Variants in CADM1 observed in about 807,000 individuals in gnomAD.
CADM1 encodes the protein cell adhesion molecule 1.
Under a neutral mutation model 53.1 loss-of-function variants are expected in CADM1, and 15 were observed. That is an observed-to-expected ratio of 0.28 (90% CI 0.19 to 0.44). The LOEUF is 0.44. Among genes scored for constraint, CADM1 ranks in the 20% least tolerant of loss-of-function variants. CADM1 has a pLI of 1.00. For synonymous variants in CADM1, 281 were observed against 243.0 expected (o/e 1.16, Z -1.45); for missense variants, 434 against 611.3 (o/e 0.71, Z 3.06).
chr11:115,243,055 C>CA (rs754324421), intron 1 of CADM1, among the ~76,000 whole-genome samples: 6 of 152,178 alleles, frequency 3.9e-5, no homozygotes, highest in Non-Finnish European at 8.8e-5. Context: ...AACAATAAAA[C>CA]AGAGTGAGGT....
chr11:115,262,060 T>C (rs1201079437), intron 1 of CADM1, among the ~76,000 whole-genome samples: 1 of 152,118 alleles, frequency 6.6e-6, no homozygotes, highest in Non-Finnish European at 1.5e-5. Context: ...ATTACAGGCG[T>C]GAGCCACCGA....
intron 1 of CADM1, among the ~76,000 whole-genome samples, chr11:115,413,644 C>CTTTTTTTTTTTTTTTTTTTTTTTTTT (rs71066424): frequency 8.3e-6 from 1 of 120,916 alleles, no homozygotes; most frequent in Non-Finnish European, 1.8e-5. Context: ...CAGCTCAGTT[C>CTTTTTTTTTTTTTTTTTTTTTTTTTT]TTTTTTTTTT....
intron 1 of CADM1, among the ~76,000 whole-genome samples, chr11:115,294,027 G>C (rs1254807529): frequency 1.3e-5 from 2 of 152,196 alleles, no homozygotes; most frequent in Admixed American, 1.3e-4. Context: ...TGAGATTCAT[G>C]ATGGCTTCCT....
intron 1 of CADM1, chr11:115,397,014 C>G (rs1424171265): frequency 2.6e-5 from 4 of 151,820 alleles, no homozygotes; most frequent in African/African-American, 9.7e-5. Flanking sequence ...GGCTATCAAG[C>G]AGGAGAAAAG....
rs191159192 is a variant in CADM1 at position 115,496,183 on chromosome 11, A to G, written c.124+8088T>C. 9.2e-5 allele frequency among the ~76,000 whole-genome samples: 14 copies of G among 152,334 alleles called. No homozygotes were observed. In the East Asian group the frequency reaches 1.7e-3, roughly 19 times the overall value. ...CAACACAGTTTGGCTTAGCATCAAG[A>G]AACATAATCATGTATAAACCTGTGA... On this transcript the variant is annotated intron_variant, in intron 1 of 11. Coordinates refer to ENST00000331581, the MANE Select transcript of CADM1 (RefSeq NM_001301043.2).
intron 5 of CADM1, among the ~76,000 whole-genome samples, chr11:115,220,284 T>C (rs1258337369): frequency 1.3e-5 from 2 of 152,162 alleles, no homozygotes; most frequent in Non-Finnish European, 2.9e-5. Context: ...AAAAACTTAA[T>C]CCACCCTGCT....
rs1157575507 is a variant in CADM1 at position 115,373,744 on chromosome 11, GGTGA to G, written c.124+130523_124+130526del. On this transcript the variant is annotated intron_variant, in intron 1 of 11. Coordinates refer to ENST00000331581, the MANE Select transcript of CADM1 (RefSeq NM_001301043.2). ...AATAGATCAGTGGTTCTCATCCTTG[GGTGA>G]GTATCAGAATCACCTGTGGAAATTG... 1.1e-4 allele frequency among the ~76,000 whole-genome samples: 17 copies of G among 152,116 alleles called. No individual in the cohort carries two copies. The South Asian group carries it at 3.3e-3, about 30-fold the overall frequency.
chr11:115,214,176 A>T (rs1178481894), intron 7 of CADM1, among the ~76,000 whole-genome samples: 1 of 152,198 alleles, frequency 6.6e-6, no homozygotes, highest in African/African-American at 2.4e-5. Context: ...CATCTTTTGG[A>T]ATTAATAGCT....
intron 1 of CADM1, among the ~76,000 whole-genome samples, chr11:115,315,970 G>C (rs780271605): frequency 6.6e-6 from 1 of 152,066 alleles, no homozygotes; most frequent in Non-Finnish European, 1.5e-5. Flanking sequence ...TTGCTTCCCG[G>C]TGTTGGTTTA....
intron 1 of CADM1, among the ~76,000 whole-genome samples, chr11:115,253,574 T>TA (rs1850634757): frequency 6.6e-6 from 1 of 152,206 alleles, no homozygotes; most frequent in Non-Finnish European, 1.5e-5. Flanking sequence ...TATTCTTAGG[T>TA]AAAAATATAC....
At chr11:115,215,476 G>A (rs930289320) in intron 6 of CADM1, among the ~76,000 whole-genome samples, 1 of 152,110 alleles carries the variant, frequency 6.6e-6, no homozygotes, top group African/African-American at 2.4e-5. Context: ...TGCATATTGT[G>A]AGAACTTTCC....
chr11:115,423,079 C>T (rs1483220933), intron 1 of CADM1, among the ~76,000 whole-genome samples: 4 of 151,392 alleles, frequency 2.6e-5, no homozygotes, highest in Admixed American at 6.6e-5. Context: ...AGACAAAAGT[C>T]GAGGCCTTAG....
intron 1 of CADM1, among the ~76,000 whole-genome samples, chr11:115,261,678 T>C (rs1027919787): frequency 2.6e-5 from 4 of 152,236 alleles, no homozygotes; most frequent in African/African-American, 9.6e-5. Flanking sequence ...AGTTTCTTTT[T>C]CTGAAAATGT....
At chr11:115,462,974 G>A (rs1230957331) in intron 1 of CADM1, among the ~76,000 whole-genome samples, 10 of 152,166 alleles carry the variant, frequency 6.6e-5, no homozygotes, top group Admixed American at 6.5e-4. Flanking sequence ...ATGGTGACTG[G>A]GAAGAAAGGG....
intron 10 of CADM1, among the ~76,000 whole-genome samples, chr11:115,180,520 G>A (rs907896348): frequency 1.3e-5 from 2 of 152,282 alleles, no homozygotes; most frequent in East Asian, 1.9e-4. Context: ...AACTTGAAAA[G>A]TGGTGGAGAG....
At chr11:115,187,879 C>A (rs528691975) in intron 10 of CADM1, among the ~76,000 whole-genome samples, 3 of 152,314 alleles carry the variant, frequency 2.0e-5, no homozygotes, top group Admixed American at 6.5e-5. Context: ...CCCATGCTTT[C>A]TTTTTTGGAT....
At chr11:115,305,349 G>A (rs571024108) in intron 1 of CADM1, among the ~76,000 whole-genome samples, 5 of 152,102 alleles carry the variant, frequency 3.3e-5, no homozygotes, top group Middle Eastern at 3.4e-3. Flanking sequence ...CGCATTATCA[G>A]AAAGCACTTT....
At chr11:115,191,264 GAT>G (rs557384101) in intron 9 of CADM1, among the ~76,000 whole-genome samples, 222 of 152,254 alleles carry the variant, frequency 1.5e-3, no homozygotes, top group African/African-American at 5.2e-3. Context: ...TCGATGCTCT[GAT>G]ATCTCTTAAA....
chr11:115,281,206 T>C (rs1943574859), intron 1 of CADM1, among the ~76,000 whole-genome samples: 1 of 152,220 alleles, frequency 6.6e-6, no homozygotes, highest in South Asian at 2.1e-4. Context: ...TGCCTGACCA[T>C]AGTTGTGTCA....
Sources: allele counts gnomAD v4.1 joint callset (sites outside exome capture counted in the v4.1 genomes callset), GRCh38; gene constraint gnomAD v4.1.1; transcripts MANE v1.5; gene names NCBI Gene and HGNC (gene_info 2026-07-23, HGNC 2026-07-21).